The following DPM1 variants were observed in gnomAD, a reference collection of about 807,000 sequenced individuals.
DPM1 encodes dolichyl-phosphate mannosyltransferase subunit 1, catalytic, also known as dolichol-phosphate mannosyltransferase subunit 1.
In DPM1, 27 loss-of-function variants were observed where a neutral mutation model predicts 39.0. The observed-to-expected ratio is 0.69, with a 90% CI of 0.51 to 0.95. The LOEUF (loss-of-function observed/expected upper bound fraction) is 0.95, where lower values mean the gene tolerates loss of function less well. Among genes scored for constraint, DPM1 ranks in the 40% least tolerant of loss-of-function variants. The pLI is 0.00. For missense variants in DPM1, 307 were observed against 315.6 expected (o/e 0.97, Z 0.21); for synonymous variants, 124 against 109.0 (o/e 1.14, Z -0.86).
chr20:50,941,600 C>T (rs1985834518), intron 6 of DPM1, among the ~76,000 whole-genome samples: 1 of 151,536 alleles, frequency 6.6e-6, no homozygotes, highest in African/African-American at 2.4e-5. Context: ...CCCAGCTACT[C>T]GGGAGGCTGA....
intron 5 of DPM1, among the ~76,000 whole-genome samples, chr20:50,943,471 T>C (rs1231355089): frequency 5.3e-5 from 8 of 151,182 alleles, no homozygotes; most frequent in Non-Finnish European, 8.8e-5. Flanking sequence ...GTGATTCTCC[T>C]GCCTCAGCCT....
chr20:50,936,583 AG>A (rs1985178149), intron 7 of DPM1, among the ~76,000 whole-genome samples: 1 of 152,246 alleles, frequency 6.6e-6, no homozygotes, highest in South Asian at 2.1e-4. Flanking sequence ...CCATTATTTA[AG>A]ATTTCCCTAA....
At chr20:50,943,043 G>A (rs760354129) in intron 5 of DPM1, among the ~76,000 whole-genome samples, 1 of 152,114 alleles carries the variant, frequency 6.6e-6, no homozygotes, top group Non-Finnish European at 1.5e-5. Context: ...AGGTGTAGTG[G>A]CACGTGCCTG....
chr20:50,948,095 A>C (rs1225072107), intron 3 of DPM1, among the ~76,000 whole-genome samples: 1 of 152,154 alleles, frequency 6.6e-6, no homozygotes, highest in East Asian at 1.9e-4. Flanking sequence ...GCTGCCAAAC[A>C]GCTTTGGGAG....
chr20:50,939,331 C>A (rs1985502162), intron 7 of DPM1, among the ~76,000 whole-genome samples: 1 of 152,176 alleles, frequency 6.6e-6, no homozygotes. Flanking sequence ...CTATTCTTTG[C>A]ATTGTTGCCA....
chr20:50,956,743 A>C, intron 1 of DPM1, among the ~76,000 whole-genome samples: 1 of 152,156 alleles, frequency 6.6e-6, no homozygotes, highest in East Asian at 1.9e-4. Flanking sequence ...TACATGCCAA[A>C]ATATGTAAGG....
At chr20:50,946,047 A>G in intron 3 of DPM1, 124 bp from the exon 4 acceptor site, 1 of 857,300 alleles carries the variant, frequency 1.2e-6, no homozygotes, top group South Asian at 1.4e-5. Context: ...CAGATTAATA[A>G]ATTGGTATTT....
At chr20:50,940,837 A>G (rs1985665227) in intron 7 of DPM1, 28 bp downstream of exon 7, 1 of 1,534,786 alleles carries the variant, frequency 6.5e-7, no homozygotes, top group Non-Finnish European at 9.0e-7. Flanking sequence ...AAGAAGTTAT[A>G]TAAAAGTAGT....
intron 2 of DPM1, among the ~76,000 whole-genome samples, chr20:50,953,415 T>C (rs182183321): frequency 2.4e-4 from 37 of 152,378 alleles, no homozygotes; most frequent in Admixed American, 2.2e-3. Context: ...TCTGAGGTAT[T>C]CTAACATGGT....
At position 50,937,248 on chromosome 20, in the gene DPM1, A is replaced by G. The variant is rs547255156; in HGVS notation, c.564-986T>C. On this transcript the variant is annotated intron_variant, in intron 7 of 8. Coordinates refer to ENST00000371588, the MANE Select transcript of DPM1 (RefSeq NM_003859.3). ...TTTTTTCCCTCAGACTTCTAAGGCG[A>G]CCTTATCTTTTGACTATGAAGTGGG... is the stretch of plus-strand genomic sequence containing the variant. 2.6e-3 allele frequency among the ~76,000 whole-genome samples: 400 copies of G among 152,166 alleles called. 2 individuals are homozygous for G. Among genetic ancestry groups the G allele is most frequent in the Admixed American group, 4.2e-3 (64 of 15,282 alleles).
chr20:50,938,970 A>C (rs548378826), intron 7 of DPM1, among the ~76,000 whole-genome samples: 76 of 152,112 alleles, frequency 5.0e-4, no homozygotes, highest in African/African-American at 1.8e-3. Context: ...AACAAGAGCG[A>C]AACCCTGTCT....
intron 1 of DPM1, among the ~76,000 whole-genome samples, chr20:50,957,921 A>G (rs964975585): frequency 6.6e-6 from 1 of 152,150 alleles, no homozygotes; most frequent in African/African-American, 2.4e-5. Context: ...GCCCAGCAAT[A>G]GCTCCCTAAC....
At position 50,958,419 on chromosome 20, in the gene DPM1, G is replaced by A; in HGVS notation, c.105C>T (p.Asn35=). The change falls in exon 1 of 9, where the codon AAC becomes AAT. Residue 35 remains asparagine (N), a synonymous_variant. Coordinates refer to ENST00000371588, the MANE Select transcript of DPM1 (RefSeq NM_003859.3). ...NKYSVLLPTY[N]ERENLPLIVW... is the part of the protein sequence containing the mutation. ...CGATGAGCGGCAGGTTCTCGCGCTC[G>A]TTGTAGGTAGGTAAAAGCACCGAAT... is the stretch of plus-strand genomic sequence containing the variant. The A allele has an allele frequency of 6.2e-7, 1 of 1,614,096 alleles. No homozygotes were observed. The highest frequency in any genetic ancestry group is 2.2e-5 in the East Asian group (1 of 44,874).
At chr20:50,941,589 T>TC (rs1298436044) in intron 6 of DPM1, among the ~76,000 whole-genome samples, 1 of 151,642 alleles carries the variant, frequency 6.6e-6, no homozygotes, top group Non-Finnish European at 1.5e-5. Context: ...AGGTCCACAG[T>TC]CCCAGCTACT....
intron 2 of DPM1, among the ~76,000 whole-genome samples, chr20:50,948,892 G>A (rs200791520): frequency 1.1e-4 from 16 of 150,570 alleles, no homozygotes; most frequent in East Asian, 7.7e-4. Flanking sequence ...ATGCAGTCTC[G>A]CTCTGTTGCC....
chr20:50,935,401 A>T lies in DPM1; in HGVS notation c.679-165T>A, dbSNP rs149359394. 9.4e-3 allele frequency among the ~76,000 whole-genome samples: 1,433 copies of T among 152,320 alleles called. 22 individuals carry two copies. The highest frequency in any genetic ancestry group is 0.033 in the African/African-American group (1,366 of 41,580). ...ATGAAAGCAACTGTGTGTATCTCCA[A>T]GTCTTTAAAATTAAACATGCATTAT... On this transcript the variant is annotated intron_variant, in intron 8 of 8. Coordinates refer to ENST00000371588, the MANE Select transcript of DPM1 (RefSeq NM_003859.3).
chr20:50,956,960 T>C (rs1986856670), intron 1 of DPM1, among the ~76,000 whole-genome samples: 1 of 152,104 alleles, frequency 6.6e-6, no homozygotes, highest in Non-Finnish European at 1.5e-5. Context: ...TCTTAAAAGA[T>C]TGATTCACAA....
chr20:50,941,973 G>C, intron 6 of DPM1, 58 bp downstream of exon 6: 1 of 1,416,906 alleles, frequency 7.1e-7, no homozygotes, highest in Non-Finnish European at 1.0e-6. Context: ...CCAAATACTT[G>C]CTATGAATAC....
At position 50,955,231 on chromosome 20, in the gene DPM1, C is replaced by T. The variant is rs761326349; in HGVS notation, c.216G>A (p.Arg72=). ...TCTTCTCCAACTGTTCAGCAACATC[C>T]CTTGTTCCATCTGGGCTTCCATCAT... is the stretch of plus-strand genomic sequence containing the variant. The part of the protein sequence containing the change: ...IIDDGSPDGT[R]DVAEQLEKIY... The change falls in exon 2 of 9, where the codon AGG becomes AGA. Residue 72 remains arginine (R), a synonymous_variant. Coordinates refer to ENST00000371588, the MANE Select transcript of DPM1 (RefSeq NM_003859.3). 2 of 1,613,232 alleles carry T rather than the reference C, an allele frequency of 1.2e-6. No individual in the cohort carries two copies. Among genetic ancestry groups the T allele is most frequent in the Non-Finnish European group, 1.7e-6 (2 of 1,179,826 alleles).
Sources: gnomAD v4.1 joint callset for allele counts (sites outside exome capture counted in the v4.1 genomes callset) on GRCh38, gnomAD v4.1.1 for gene constraint, MANE v1.5 for transcripts, NCBI Gene and HGNC (gene_info 2026-07-23, HGNC 2026-07-21) for gene names.